The following MGAT4C variants were observed in gnomAD, a reference collection of about 807,000 sequenced individuals.
The protein encoded by MGAT4C is alpha-1,3-mannosyl-glycoprotein 4-beta-N-acetylglucosaminyltransferase C.
MGAT4C carries 19 observed loss-of-function variants against 40.1 expected under a neutral mutation model. The ratio of observed to expected loss-of-function variants is 0.47; its 90% CI spans 0.33 to 0.70. The LOEUF (loss-of-function observed/expected upper bound fraction) is 0.70. Among genes scored for constraint, MGAT4C ranks in the 30% least tolerant of loss-of-function variants. The probability of loss-of-function intolerance (pLI) is 0.02; values close to 1 mark genes in which losing one functional copy is unlikely to be tolerated. For missense variants in MGAT4C, 491 were observed against 563.2 expected, an observed-to-expected ratio of 0.87 and a Z score of 1.30; for synonymous variants, 181 against 187.1, an observed-to-expected ratio of 0.97 and a Z score of 0.27.
At chr12:86,231,770 A>T (rs1334662861) in intron 1 of MGAT4C, among the ~76,000 whole-genome samples, 1 of 152,196 alleles carries the variant, frequency 6.6e-6, no homozygotes, top group Non-Finnish European at 1.5e-5. Context: ...TTGACAATGA[A>T]TATGCTCATA....
rs138071996 is a variant in MGAT4C, at chr12:86,118,332, C to T, written c.-56-68609G>A. ...AACAAGATCCAAATGTTATAGATGA[C>T]AAAAAATTCTGGGAGGGAGGCATTT... On this transcript the variant is annotated intron_variant, in intron 1 of 4. Transcript: ENST00000611864. 5.3e-3 allele frequency among the ~76,000 whole-genome samples: 807 copies of T among 152,160 alleles called. 7 individuals are homozygous for T. Among genetic ancestry groups the T allele is most frequent in the African/African-American group, 0.019 (769 of 41,514 alleles).
chr12:86,506,768 T>G (rs1958479244), intron 2 of MGAT4C, among the ~76,000 whole-genome samples: 1 of 152,170 alleles, frequency 6.6e-6, no homozygotes, highest in Non-Finnish European at 1.5e-5. Flanking sequence ...TCCTTTTATT[T>G]TAGCTTCAAG....
intron 3 of MGAT4C, among the ~76,000 whole-genome samples, chr12:86,335,688 C>T (rs923551947): frequency 6.6e-6 from 1 of 152,054 alleles, no homozygotes; most frequent in Admixed American, 6.6e-5. Flanking sequence ...TTATTTAAAG[C>T]CCACATCTTG....
intron 1 of MGAT4C, among the ~76,000 whole-genome samples, chr12:86,207,352 C>T (rs1465750314): frequency 6.6e-6 from 1 of 151,920 alleles, no homozygotes; most frequent in Non-Finnish European, 1.5e-5. Context: ...TATACATGTG[C>T]CATGGTGGTT....
chr12:86,057,933 G>A (rs908360173), intron 1 of MGAT4C, among the ~76,000 whole-genome samples: 1 of 152,012 alleles, frequency 6.6e-6, no homozygotes, highest in Non-Finnish European at 1.5e-5. Flanking sequence ...GTTGTTTCTG[G>A]ATGTCTCAAA....
chr12:86,327,821 T>A (rs945508191), intron 4 of MGAT4C, among the ~76,000 whole-genome samples: 2 of 152,130 alleles, frequency 1.3e-5, no homozygotes, highest in African/African-American at 4.8e-5. Flanking sequence ...ACAAAAGGTA[T>A]CTTTGCTGCA....
chr12:86,517,466 A>G (rs1490411703), intron 2 of MGAT4C, among the ~76,000 whole-genome samples: 2 of 152,080 alleles, frequency 1.3e-5, no homozygotes, highest in Non-Finnish European at 2.9e-5. Context: ...ACTGACCCTC[A>G]CCTAAAATTT....
rs554585997 is a variant in MGAT4C at position 86,466,037 on chromosome 12, C to T, written c.-228-30772G>A. ...CAGCCTGTCCAGCATGATGAAATCC[C>T]GTCTCTACTAAAAATATAAAAATCA... On this transcript the variant is annotated intron_variant, in intron 2 of 7. Coordinates refer to the MGAT4C transcript ENST00000548651. 1.9e-4 allele frequency among the ~76,000 whole-genome samples: 29 copies of T among 151,924 alleles called. No individual in the cohort carries two copies. The South Asian group carries it at 3.5e-3, about 19-fold the overall frequency.
At chr12:86,126,788 T>C (rs1880345377) in intron 1 of MGAT4C, among the ~76,000 whole-genome samples, 1 of 152,214 alleles carries the variant, frequency 6.6e-6, no homozygotes, top group Non-Finnish European at 1.5e-5. Flanking sequence ...TGGAGTGTAC[T>C]AACATGAATC....
In MGAT4C at chr12:86,782,566, A is replaced by G. The variant is rs573840451; in HGVS notation, c.-261-55325T>C. 5.3e-5 allele frequency among the ~76,000 whole-genome samples: 8 copies of G among 152,254 alleles called. No individual in the cohort carries two copies. In the South Asian group the frequency reaches 1.7e-3, roughly 32 times the overall value. On this transcript the variant is annotated intron_variant, in intron 1 of 7. Transcript: ENST00000548651. ...ACGAATGTTGTTATTAGTAGTGTAAATGAGTTTTTTAAAATAATGCAAGAT... is the reference window on the plus strand; with the variant it reads ...ACGAATGTTGTTATTAGTAGTGTAAGTGAGTTTTTTAAAATAATGCAAGAT...
intron 2 of MGAT4C, among the ~76,000 whole-genome samples, chr12:86,603,342 TATA>T (rs1412287699): frequency 3.0e-5 from 4 of 135,462 alleles, no homozygotes; most frequent in Admixed American, 8.0e-5. Context: ...TAGTATAGTA[TATA>T]ATTATATAGT....
rs148448461 is a variant in MGAT4C at position 86,047,845 on chromosome 12, T to C, written c.-7+1829A>G. On this transcript the variant is annotated intron_variant, in intron 2 of 4. Transcript: ENST00000611864. ...TTGGGTTGATATTGCCCCTTAGTGA[T>C]TGGCAGGAGCAAAAAATTTAAGAGT... is the stretch of plus-strand genomic sequence containing the variant. 7.1e-3 allele frequency among the ~76,000 whole-genome samples: 1,079 copies of C among 152,236 alleles called. 13 individuals carry two copies. The highest frequency in any genetic ancestry group is 0.024 in the African/African-American group (1,004 of 41,550).
At chr12:86,746,052 C>T (rs1229096291) in intron 1 of MGAT4C, among the ~76,000 whole-genome samples, 1 of 151,692 alleles carries the variant, frequency 6.6e-6, no homozygotes, top group African/African-American at 2.4e-5. Flanking sequence ...CTCTCATTCA[C>T]TCTGCTCACA....
At chr12:86,440,188 C>G (rs1391457947) in intron 2 of MGAT4C, among the ~76,000 whole-genome samples, 1 of 151,984 alleles carries the variant, frequency 6.6e-6, no homozygotes, top group East Asian at 1.9e-4. Flanking sequence ...AAAAATACTA[C>G]AGACCAACAT....
At chr12:86,276,106 A>C (rs1953075236) in intron 4 of MGAT4C, among the ~76,000 whole-genome samples, 1 of 142,248 alleles carries the variant, frequency 7.0e-6, no homozygotes. Flanking sequence ...CGACAGAGCA[A>C]GACTCCGTCA....
chr12:86,833,122 A>G, intron 1 of MGAT4C, among the ~76,000 whole-genome samples: 1 of 151,852 alleles, frequency 6.6e-6, no homozygotes, highest in East Asian at 1.9e-4. Context: ...CTTGTGCCAT[A>G]AAACGGAAGT....
intron 3 of MGAT4C, among the ~76,000 whole-genome samples, chr12:86,334,669 T>A (rs1226558205): frequency 4.6e-5 from 7 of 152,126 alleles, no homozygotes; most frequent in Non-Finnish European, 1.5e-5. Context: ...TACACAGGTT[T>A]AATTAGATTG....
rs549317553 is a variant in MGAT4C at position 86,686,425 on chromosome 12, T to C, written c.-229+40784A>G. Among the ~76,000 whole-genome samples, 4 of 152,288 alleles carry C rather than the reference T, an allele frequency of 2.6e-5. No homozygotes were observed. The East Asian group carries it at 7.7e-4, about 29-fold the overall frequency. On this transcript the variant is annotated intron_variant, in intron 2 of 7. Coordinates refer to the MGAT4C transcript ENST00000548651. ...CCTTATCTTGTGCCAGTTTTCAAAG[T>C]GACTCCTTCCAGTTTTTGCCCATTC...
intron 3 of MGAT4C, among the ~76,000 whole-genome samples, chr12:86,407,055 A>T (rs1324782992): frequency 6.6e-6 from 1 of 152,066 alleles, no homozygotes; most frequent in East Asian, 1.9e-4. Context: ...GATTTCCCCT[A>T]TGGATTGAAT....
Sources: gnomAD v4.1 joint callset for allele counts (sites outside exome capture counted in the v4.1 genomes callset) on GRCh38, gnomAD v4.1.1 for gene constraint, MANE v1.5 for transcripts, NCBI Gene and HGNC (gene_info 2026-07-23, HGNC 2026-07-21) for gene names.